LRP1B: variants seen among roughly 807,000 people sequenced by gnomAD.
The protein encoded by LRP1B is LDL receptor related protein 1B.
Under a neutral mutation model 556.6 loss-of-function variants are expected in LRP1B, and 217 were observed. The ratio of observed to expected loss-of-function variants is 0.39; its 90% CI spans 0.35 to 0.44. The LOEUF is 0.44. Among genes scored for constraint, LRP1B ranks in the 20% least tolerant of loss-of-function variants. LRP1B has a pLI of 1.00. For missense variants in LRP1B, 5,053 were observed against 5,620.8 expected (o/e 0.90, Z 3.23); for synonymous variants, 2,047 against 1,865.8 (o/e 1.10, Z -2.50).
intron 56 of LRP1B, among the ~76,000 whole-genome samples, chr2:140,494,154 A>C (rs1688816860): frequency 6.6e-6 from 1 of 152,216 alleles, no homozygotes; most frequent in Non-Finnish European, 1.5e-5. Flanking sequence ...TAAAATTTGT[A>C]TGAGTTTCTA....
At chr2:141,587,506 A>G (rs1050919907) in intron 2 of LRP1B, among the ~76,000 whole-genome samples, 1 of 152,218 alleles carries the variant, frequency 6.6e-6, no homozygotes, top group African/African-American at 2.4e-5. Context: ...ATAGAGAGTG[A>G]CTGGTGTACA....
intron 1 of LRP1B, among the ~76,000 whole-genome samples, chr2:141,989,580 C>A (rs970262746): frequency 6.6e-6 from 1 of 152,000 alleles, no homozygotes; most frequent in African/African-American, 2.4e-5. Context: ...CCACCCAAAT[C>A]ACACCTTGAA....
chr2:141,426,950 C>T (rs376824901), intron 3 of LRP1B, among the ~76,000 whole-genome samples: 13 of 152,032 alleles, frequency 8.6e-5, no homozygotes, highest in Non-Finnish European at 1.6e-4. Flanking sequence ...TAGGTATACA[C>T]GTGCCATGGT....
intron 66 of LRP1B, among the ~76,000 whole-genome samples, chr2:140,425,266 A>G (rs1456776101): frequency 7.2e-5 from 11 of 152,184 alleles, no homozygotes; most frequent in Admixed American, 7.2e-4. Flanking sequence ...AAAATTACCT[A>G]TTCCATTAAT....
intron 1 of LRP1B, among the ~76,000 whole-genome samples, chr2:142,049,129 A>C (rs186879129): frequency 3.3e-3 from 499 of 152,210 alleles, no homozygotes; most frequent in Middle Eastern, 0.01. Flanking sequence ...TACTAAAAAA[A>C]GGCCCCTTTT....
chr2:141,618,834 T>C (rs544778635), intron 2 of LRP1B, among the ~76,000 whole-genome samples: 1 of 152,336 alleles, frequency 6.6e-6, no homozygotes, highest in Non-Finnish European at 1.5e-5. Context: ...GGTAACTGAA[T>C]TAAGGGAGTC....
Position 140,607,434 on chromosome 2 carries a change from G to A in LRP1B, c.6800-5795C>T, listed in dbSNP as rs185643478. On this transcript the variant is annotated intron_variant, in intron 41 of 90. Transcript: ENST00000389484. ...TAGTAAATATATACCCAAGAGAAACGAAAACGTACCTCCACACATACACAA... is the reference window on the plus strand; with the variant it reads ...TAGTAAATATATACCCAAGAGAAACAAAAACGTACCTCCACACATACACAA... 9.9e-5 allele frequency among the ~76,000 whole-genome samples: 15 copies of A among 152,024 alleles called. No individual in the cohort carries two copies. In the South Asian group the frequency reaches 1.5e-3, roughly 15 times the overall value.
chr2:141,022,074 C>T (rs992517806), intron 11 of LRP1B, among the ~76,000 whole-genome samples: 11 of 151,590 alleles, frequency 7.3e-5, no homozygotes, highest in Admixed American at 5.9e-4. Context: ...TTACCAGTGA[C>T]TAACTTTAAC....
chr2:141,047,577 A>C (rs1196322598), intron 11 of LRP1B, among the ~76,000 whole-genome samples: 1 of 152,088 alleles, frequency 6.6e-6, no homozygotes, highest in Non-Finnish European at 1.5e-5. Flanking sequence ...CGATCCTCCT[A>C]AAATATCACT....
chr2:141,863,884 A>T (rs1698327151), intron 1 of LRP1B, among the ~76,000 whole-genome samples: 1 of 152,204 alleles, frequency 6.6e-6, no homozygotes, highest in Non-Finnish European at 1.5e-5. Flanking sequence ...ACAATGAATG[A>T]ACTTATAAGA....
At chr2:140,405,960 G>C (rs567488584) in intron 66 of LRP1B, among the ~76,000 whole-genome samples, 2 of 151,954 alleles carry the variant, frequency 1.3e-5, no homozygotes, top group African/African-American at 2.4e-5. Flanking sequence ...CCAGATAATC[G>C]AATCCAATAG....
chr2:141,425,534 C>A (rs1365154298), intron 3 of LRP1B, among the ~76,000 whole-genome samples: 3 of 150,124 alleles, frequency 2.0e-5, no homozygotes, highest in African/African-American at 7.4e-5. Flanking sequence ...ACAGTCCCAC[C>A]AACAGTGTAA....
chr2:140,528,964 G>T (rs1690561845), intron 47 of LRP1B, among the ~76,000 whole-genome samples: 1 of 151,964 alleles, frequency 6.6e-6, no homozygotes, highest in Admixed American at 6.6e-5. Context: ...TCTCTAATTT[G>T]CCAAGTGAAT....
At chr2:141,281,879 CAAGTCTT>C (rs1301030971) in intron 3 of LRP1B, among the ~76,000 whole-genome samples, 4 of 151,912 alleles carry the variant, frequency 2.6e-5, no homozygotes, top group Admixed American at 6.6e-5. Context: ...TTGATCCTTC[CAAGTCTT>C]AAGTTTCTAA....
At chr2:140,622,604 T>C (rs1683494380) in intron 41 of LRP1B, among the ~76,000 whole-genome samples, 1 of 152,074 alleles carries the variant, frequency 6.6e-6, no homozygotes, top group Non-Finnish European at 1.5e-5. Context: ...TACTTACTAC[T>C]AATTGCACCA....
intron 3 of LRP1B, among the ~76,000 whole-genome samples, chr2:141,458,184 C>T (rs1287000976): frequency 5.3e-5 from 8 of 151,970 alleles, no homozygotes; most frequent in South Asian, 2.1e-4. Context: ...CTTATTTAGC[C>T]GAGGCTTCTA....
intron 81 of LRP1B, among the ~76,000 whole-genome samples, chr2:140,323,151 A>C (rs528477266): frequency 6.6e-6 from 1 of 152,148 alleles, no homozygotes; most frequent in African/African-American, 2.4e-5. Context: ...ATTACAAATA[A>C]CCCTTCAACA....
intron 37 of LRP1B, among the ~76,000 whole-genome samples, chr2:140,715,534 G>T (rs1333595167): frequency 3.3e-5 from 5 of 151,916 alleles, no homozygotes; most frequent in African/African-American, 1.2e-4. Context: ...AACAAAAAAA[G>T]AAGTAAAAGG....
At chr2:141,132,395 C>T (rs1021266029) in intron 7 of LRP1B, among the ~76,000 whole-genome samples, 1 of 151,994 alleles carries the variant, frequency 6.6e-6, no homozygotes, top group African/African-American at 2.4e-5. Context: ...AGATTTTCCT[C>T]TTTAAATGTA....
Sources: gnomAD v4.1 joint callset for allele counts (sites outside exome capture counted in the v4.1 genomes callset) on GRCh38, gnomAD v4.1.1 for gene constraint, MANE v1.5 for transcripts, NCBI Gene and HGNC (gene_info 2026-07-23, HGNC 2026-07-21) for gene names.